The following ADK variants were observed in gnomAD, a reference collection of about 807,000 sequenced individuals.
ADK encodes adenosine kinase, also known as N6,N6-dimethyladenosine kinase.
A neutral mutation model predicts 44.7 loss-of-function variants in ADK; 24 were observed. That is an observed-to-expected ratio of 0.54 (90% CI 0.39 to 0.76). The LOEUF (loss-of-function observed/expected upper bound fraction) is 0.76, where lower values mean the gene tolerates loss of function less well. Ranked by LOEUF, ADK falls within the 30% of genes least tolerant of loss-of-function variation. The probability of loss-of-function intolerance (pLI) is 0.00; values close to 1 mark genes in which losing one functional copy is unlikely to be tolerated. For missense variants in ADK, 321 were observed against 425.1 expected (o/e 0.76, Z 2.15); for synonymous variants, 128 against 142.6 (o/e 0.90, Z 0.73).
At chr10:74,258,032 C>G (rs1845891929) in intron 3 of ADK, among the ~76,000 whole-genome samples, 1 of 152,138 alleles carries the variant, frequency 6.6e-6, no homozygotes, top group Non-Finnish European at 1.5e-5. Flanking sequence ...CAGAAATGTT[C>G]TTTTTCCTCA....
At chr10:74,371,955 A>T in intron 4 of ADK, 1 of 1,014,392 alleles carries the variant, frequency 9.9e-7, no homozygotes, top group Non-Finnish European at 1.5e-6. Flanking sequence ...ATCTTACGTT[A>T]ACCTATCTAC....
intron 10 of ADK, among the ~76,000 whole-genome samples, chr10:74,696,365 T>G (rs1388548730): frequency 6.6e-6 from 1 of 151,328 alleles, no homozygotes; most frequent in Admixed American, 6.6e-5. Flanking sequence ...TTTATTTTTG[T>G]TTTTGTTTTT....
chr10:74,372,214 G>A (rs187415360), intron 4 of ADK: 1 of 760,306 alleles, frequency 1.3e-6, no homozygotes, highest in Non-Finnish European at 2.4e-6. Flanking sequence ...GAATTTCAGG[G>A]TGAATGGACT....
At chr10:74,371,489 C>A in intron 4 of ADK, 2 of 687,674 alleles carry the variant, frequency 2.9e-6, no homozygotes, top group South Asian at 1.6e-5. Flanking sequence ...GTCCATACGG[C>A]GTTCTTTCTG....
intron 6 of ADK, among the ~76,000 whole-genome samples, chr10:74,471,081 T>A (rs969685424): frequency 6.6e-6 from 1 of 151,168 alleles, no homozygotes. Context: ...TTTTCTTTTT[T>A]TTTTTTTTTT....
intron 3 of ADK, among the ~76,000 whole-genome samples, chr10:74,251,894 CTTTTTTTTTT>C (rs566363104): frequency 1.0e-5 from 1 of 99,394 alleles, no homozygotes; most frequent in African/African-American, 4.0e-5. Flanking sequence ...GTGGCAGATA[CTTTTTTTTTT>C]TTTTTTTTTT....
chr10:74,195,834 A>G (rs746841592), intron 1 of ADK, among the ~76,000 whole-genome samples: 1 of 148,212 alleles, frequency 6.7e-6, no homozygotes, highest in South Asian at 2.1e-4. Context: ...ATGCCACCAC[A>G]CGCGGCTAAT....
At chr10:74,273,737 C>T (rs867478152) in intron 3 of ADK, among the ~76,000 whole-genome samples, 3 of 152,114 alleles carry the variant, frequency 2.0e-5, no homozygotes, top group South Asian at 2.1e-4. Context: ...GGATTACAGG[C>T]GTGAGCCACT....
At chr10:74,671,672 G>A (rs1179889222) in intron 10 of ADK, among the ~76,000 whole-genome samples, 1 of 152,162 alleles carries the variant, frequency 6.6e-6, no homozygotes. Context: ...AATACATTAA[G>A]AAAACCCTAG....
chr10:74,554,096 C>T (rs1026730967), intron 7 of ADK, among the ~76,000 whole-genome samples: 2 of 152,118 alleles, frequency 1.3e-5, no homozygotes, highest in Admixed American at 1.3e-4. Context: ...AGTGATTTCC[C>T]ATGGTAGCTT....
chr10:74,250,145 T>G (rs1032305926), intron 3 of ADK, among the ~76,000 whole-genome samples: 1 of 152,230 alleles, frequency 6.6e-6, no homozygotes, highest in Admixed American at 6.5e-5. Flanking sequence ...AAATTCAGTC[T>G]ATTTGGAGTT....
At position 74,523,360 on chromosome 10, in the gene ADK, T is replaced by C. The variant is rs80163699; in HGVS notation, c.556-1896T>C. ...GCTTTCTGTTAATCATCAAATCTTATGACTTTTACTCATTCCTTTCTTTCT... is the reference window on the plus strand; with the variant it reads ...GCTTTCTGTTAATCATCAAATCTTACGACTTTTACTCATTCCTTTCTTTCT... On this transcript the variant is annotated intron_variant, in intron 6 of 10. Transcript: ENST00000539909. Among the ~76,000 whole-genome samples the C allele has an allele frequency of 1.5e-3, 223 of 152,338 alleles. 1 individual carries two copies. The highest frequency in any genetic ancestry group is 5.1e-3 in the African/African-American group (212 of 41,578).
chr10:74,219,222 G>C (rs2132224037), intron 2 of ADK, among the ~76,000 whole-genome samples: 1 of 151,728 alleles, frequency 6.6e-6, no homozygotes, highest in Non-Finnish European at 1.5e-5. Context: ...TGCAATCCTA[G>C]TCTCTGATAA....
At chr10:74,566,201 C>G (rs369997595) in intron 7 of ADK, among the ~76,000 whole-genome samples, 32 of 113,996 alleles carry the variant, frequency 2.8e-4, no homozygotes, top group Non-Finnish European at 4.5e-4. Context: ...CTCTCTCTCT[C>G]TTTTTTTTTT....
At chr10:74,427,668 T>C (rs1321416997) in intron 6 of ADK, among the ~76,000 whole-genome samples, 2 of 152,094 alleles carry the variant, frequency 1.3e-5, no homozygotes, top group African/African-American at 4.8e-5. Context: ...CATATGGACA[T>C]TTCTGTGTGT....
At chr10:74,290,078 G>GCACACACA (rs1554838780) in intron 3 of ADK, among the ~76,000 whole-genome samples, 10 of 149,120 alleles carry the variant, frequency 6.7e-5, no homozygotes, top group Admixed American at 1.3e-4. Flanking sequence ...CTACTCACGC[G>GCACACACA]CACACACACA....
chr10:74,527,999 GA>G, intron 7 of ADK: 1 of 817,680 alleles, frequency 1.2e-6, no homozygotes. Context: ...GCACCTGCAA[GA>G]AAAAAGCGAT....
At chr10:74,477,831 A>T (rs1846915469) in intron 6 of ADK, among the ~76,000 whole-genome samples, 1 of 152,232 alleles carries the variant, frequency 6.6e-6, no homozygotes, top group African/African-American at 2.4e-5. Context: ...TTAAAAGGCA[A>T]TAAACAGAAT....
chr10:74,643,914 G>A (rs1853965334), intron 9 of ADK, among the ~76,000 whole-genome samples: 1 of 152,044 alleles, frequency 6.6e-6, no homozygotes, highest in South Asian at 2.1e-4. Context: ...ATTTTAACTA[G>A]GCCCATTACT....
Sources: gnomAD v4.1 joint callset for allele counts (sites outside exome capture counted in the v4.1 genomes callset) on GRCh38, gnomAD v4.1.1 for gene constraint, MANE v1.5 for transcripts, NCBI Gene and HGNC (gene_info 2026-07-23, HGNC 2026-07-21) for gene names.